Variants in LNX2 observed in about 807,000 individuals in gnomAD.
The protein encoded by LNX2 is ligand of Numb protein X 2.
In LNX2, 35 loss-of-function variants were observed where a neutral mutation model predicts 66.2. The ratio of observed to expected loss-of-function variants is 0.53; its 90% CI spans 0.40 to 0.70. LNX2 has a LOEUF of 0.70. LNX2 is among the 30% of genes least tolerant of loss of function. LNX2 has a pLI of 0.00. For synonymous variants in LNX2, 337 were observed against 315.6 expected (o/e 1.07, Z -0.72); for missense variants, 791 against 850.8 (o/e 0.93, Z 0.87).
chr13:27,563,387 C>T (rs1955165952), intron 4 of LNX2, among the ~76,000 whole-genome samples: 1 of 152,178 alleles, frequency 6.6e-6, no homozygotes, highest in Non-Finnish European at 1.5e-5. Context: ...TCTAATTCTT[C>T]AGCACAGAAA....
chr13:27,548,281 T>G lies in LNX2; in HGVS notation c.*54A>C, dbSNP rs1309804664. ...CAAACACAATGAAACCAAAGGGTTT[T>G]CTTTCAAAAATCTAAAAAAGGAAGA... On this transcript the variant is annotated 3_prime_UTR_variant, in exon 10 of 10. Transcript: ENST00000316334. The G allele has an allele frequency of 1.9e-6, 3 of 1,573,096 alleles. No individual in the cohort carries two copies. In the African/African-American group the frequency reaches 4.1e-5, roughly 21 times the overall value.
chr13:27,576,438 T>A (rs1955340782), intron 2 of LNX2, among the ~76,000 whole-genome samples: 1 of 152,002 alleles, frequency 6.6e-6, no homozygotes, highest in African/African-American at 2.4e-5. Context: ...GCCTCAAGGC[T>A]GGGCATGGTG....
At chr13:27,618,853 C>A (rs1955855980) in intron 1 of LNX2, among the ~76,000 whole-genome samples, 1 of 152,172 alleles carries the variant, frequency 6.6e-6, no homozygotes, top group Admixed American at 6.5e-5. Context: ...CTACAATGTA[C>A]GAAATCCCAA....
At chr13:27,566,992 G>A (rs949307138) in intron 4 of LNX2, among the ~76,000 whole-genome samples, 4 of 152,060 alleles carry the variant, frequency 2.6e-5, no homozygotes, top group Admixed American at 2.0e-4. Flanking sequence ...CTTGTCCCAT[G>A]CTAGTTATTT....
intron 1 of LNX2, among the ~76,000 whole-genome samples, chr13:27,582,416 T>C (rs532979002): frequency 6.6e-6 from 1 of 152,316 alleles, no homozygotes; most frequent in African/African-American, 2.4e-5. Flanking sequence ...AACAATCGAT[T>C]TGTTTTACTG....
intron 8 of LNX2, 69 bp downstream of exon 8, chr13:27,553,139 T>C (rs1955023884): frequency 7.9e-7 from 1 of 1,265,352 alleles, no homozygotes; most frequent in South Asian, 1.3e-5. Context: ...AAATTTATCA[T>C]GCTACACACT....
intron 1 of LNX2, among the ~76,000 whole-genome samples, chr13:27,583,261 C>CGCGCGCGCGCGCCGCGT (rs11281345): frequency 4.4e-5 from 2 of 45,480 alleles, no homozygotes; most frequent in Non-Finnish European, 9.1e-5. Context: ...TGTGTGCGCG[C>CGCGCGCGCGCGCCGCGT]GTCCTCTCCA....
At chr13:27,587,775 A>C (rs570568573) in intron 1 of LNX2, among the ~76,000 whole-genome samples, 1 of 152,150 alleles carries the variant, frequency 6.6e-6, no homozygotes, top group South Asian at 2.1e-4. Context: ...TAATCCCAGC[A>C]CTTTGGGAGG....
chr13:27,566,783 G>A (rs992658038), intron 4 of LNX2, among the ~76,000 whole-genome samples: 1 of 152,138 alleles, frequency 6.6e-6, no homozygotes, highest in African/African-American at 2.4e-5. Flanking sequence ...AGGAGTCCCT[G>A]CGCTTGGGTT....
intron 1 of LNX2, among the ~76,000 whole-genome samples, chr13:27,610,901 C>T (rs533659580): frequency 6.6e-6 from 1 of 152,234 alleles, no homozygotes; most frequent in East Asian, 1.9e-4. Context: ...ATCAAAACCA[C>T]GAGATATCAC....
At chr13:27,604,545 C>T (rs1955693923) in intron 1 of LNX2, among the ~76,000 whole-genome samples, 1 of 152,172 alleles carries the variant, frequency 6.6e-6, no homozygotes, top group African/African-American at 2.4e-5. Flanking sequence ...GAAATGGGAG[C>T]AAGAGCAAAC....
At chr13:27,560,935 G>C (rs1047317500) in intron 5 of LNX2, among the ~76,000 whole-genome samples, 1 of 152,102 alleles carries the variant, frequency 6.6e-6, no homozygotes, top group African/African-American at 2.4e-5. Flanking sequence ...AAAGAAGTAA[G>C]AAACAAGTTT....
intron 1 of LNX2, among the ~76,000 whole-genome samples, chr13:27,593,750 GTGTGTTC>G (rs1955569240): frequency 6.8e-6 from 1 of 146,252 alleles, no homozygotes. Context: ...GTGTGTGTGT[GTGTGTTC>G]TTTTTTTTTT....
chr13:27,611,908 G>A (rs760584471), intron 1 of LNX2, among the ~76,000 whole-genome samples: 29 of 152,210 alleles, frequency 1.9e-4, no homozygotes, highest in Non-Finnish European at 4.0e-4. Flanking sequence ...CAAGGTTAAA[G>A]ATTGGAGCAT....
At position 27,546,472 on chromosome 13, in the gene LNX2, C is replaced by T. The variant is rs961700741; in HGVS notation, c.*1863G>A. ...GTAATATACTGTATGGGCCATTCCA[C>T]TGTATCTTGTTATATGTTGATCATA... On this transcript the variant is annotated 3_prime_UTR_variant, in exon 10 of 10. Coordinates refer to ENST00000316334, the MANE Select transcript of LNX2 (RefSeq NM_153371.4). 1.3e-5 allele frequency: 2 copies of T among 152,200 alleles called. No individual in the cohort carries two copies. The highest frequency in any genetic ancestry group is 4.8e-5 in the African/African-American group (2 of 41,464). The allele number at this position is 152,200 out of a possible 1,614,324, so 9.4% of individuals were successfully genotyped here.
chr13:27,580,051 GT>G (rs373688452), intron 2 of LNX2, among the ~76,000 whole-genome samples: 351 of 151,858 alleles, frequency 2.3e-3, no homozygotes, highest in African/African-American at 8.0e-3. Flanking sequence ...TAACATCTTT[GT>G]TTTTTTCATT....
intron 5 of LNX2, 21 bp from the exon 6 acceptor site, chr13:27,560,006 T>C: frequency 6.4e-7 from 1 of 1,559,108 alleles, no homozygotes; most frequent in East Asian, 2.3e-5. Flanking sequence ...CACAAATACA[T>C]TACCATAAGT....
intron 1 of LNX2, among the ~76,000 whole-genome samples, chr13:27,583,335 G>A (rs1955444181): frequency 6.6e-6 from 1 of 150,652 alleles, no homozygotes. Context: ...TTGGCTCACT[G>A]CGACCTCTGC....
rs1566124843 is a variant in LNX2 at position 27,583,247 on chromosome 13, T to TGC, written c.-100-1445_-100-1444insGC. On this transcript the variant is annotated intron_variant, in intron 1 of 9. Coordinates refer to ENST00000316334, the MANE Select transcript of LNX2 (RefSeq NM_153371.4). Reference sequence around the variant, plus strand: ...GTGTGTGTGTGTGTGTGTGTGTGTGTGTGTGTGTGCGCGCGTCCTCTCCAA... The same window carrying TGC: ...GTGTGTGTGTGTGTGTGTGTGTGTGTGCGTGTGTGTGCGCGCGTCCTCTCCAA... Among the ~76,000 whole-genome samples the TGC allele has an allele frequency of 1.8e-4, 8 of 44,298 alleles. 2 individuals are homozygous for TGC. The highest frequency in any genetic ancestry group is 8.3e-4 in the Admixed American group (4 of 4,846). The allele number at this position is 44,298 out of a possible 152,430, so 29.1% of individuals were successfully genotyped here. A position where few individuals can be genotyped will look rare whatever the true frequency, so the allele number is the denominator to read the frequency against.
Sources: allele counts gnomAD v4.1 joint callset (sites outside exome capture counted in the v4.1 genomes callset), GRCh38; gene constraint gnomAD v4.1.1; transcripts MANE v1.5; gene names NCBI Gene and HGNC (gene_info 2026-07-23, HGNC 2026-07-21).